The following MYO3B variants were observed in gnomAD, a reference collection of about 807,000 sequenced individuals.
MYO3B encodes myosin IIIB, also known as myosin-IIIb.
In MYO3B, 156 loss-of-function variants were observed where a neutral mutation model predicts 174.6. The observed-to-expected ratio is 0.89, with a 90% CI of 0.78 to 1.02. The LOEUF is 1.02. MYO3B is among the 50% of genes least tolerant of loss of function. The pLI is 0.00. For missense variants in MYO3B, 1,632 were observed against 1,639.4 expected (o/e 1.00, Z 0.08); for synonymous variants, 563 against 569.1 (o/e 0.99, Z 0.15).
intron 32 of MYO3B, among the ~76,000 whole-genome samples, chr2:170,626,836 G>C (rs935390118): frequency 6.6e-6 from 1 of 152,122 alleles, no homozygotes; most frequent in African/African-American, 2.4e-5. Flanking sequence ...TGAAATTCTG[G>C]GTTGAAAATT....
chr2:170,182,507 G>A (rs1001531845), intron 1 of MYO3B, among the ~76,000 whole-genome samples: 4 of 151,594 alleles, frequency 2.6e-5, no homozygotes, highest in Non-Finnish European at 5.9e-5. Flanking sequence ...GTGGCATAAT[G>A]TTTTAATTAC....
chr2:170,247,194 T>C (rs1019008970), intron 7 of MYO3B, among the ~76,000 whole-genome samples: 2 of 152,152 alleles, frequency 1.3e-5, no homozygotes, highest in African/African-American at 4.8e-5. Flanking sequence ...AGAATAAAGA[T>C]ATGGCTTTTA....
chr2:170,502,669 G>T (rs1258811883), intron 28 of MYO3B, among the ~76,000 whole-genome samples: 1 of 152,188 alleles, frequency 6.6e-6, no homozygotes, highest in Non-Finnish European at 1.5e-5. Context: ...GGCTCTGGAA[G>T]AAACAGGCCC....
In MYO3B at chr2:170,514,941, AG is replaced by A; in HGVS notation, c.3392del (p.Ser1131MetfsTer105). The stretch of plus-strand genomic sequence containing the variant: ...CACAGGGGACACTTCAAACCAAAGC[AG>A]TGGGCCACATTCCCCCGTCGCAGCA... ...NQAGDTSNQSSGPHSPVAAGT... is the reference protein window; with the variant it reads ...NQAGDTSNQSXGPHSPVAAGT... On this transcript the variant is annotated frameshift_variant, in exon 29 of 35. Transcript: ENST00000408978. LOFTEE classifies it high-confidence loss of function. 1 of 1,614,038 alleles carries A rather than the reference AG, an allele frequency of 6.2e-7. No homozygotes were observed. Among genetic ancestry groups the A allele is most frequent in the East Asian group, 2.2e-5 (1 of 44,884 alleles).
At chr2:170,213,396 G>A (rs1471030111) in intron 3 of MYO3B, among the ~76,000 whole-genome samples, 4 of 152,144 alleles carry the variant, frequency 2.6e-5, no homozygotes, top group Non-Finnish European at 5.9e-5. Context: ...TGCATGCACC[G>A]GTGGTCAGAG....
At chr2:170,451,152 C>A (rs965961892) in intron 23 of MYO3B, among the ~76,000 whole-genome samples, 1 of 152,218 alleles carries the variant, frequency 6.6e-6, no homozygotes, top group Non-Finnish European at 1.5e-5. Flanking sequence ...CCTTCTATAC[C>A]TTGCAACCTT....
chr2:170,439,325 T>C (rs1185028180), intron 22 of MYO3B, among the ~76,000 whole-genome samples: 1 of 151,962 alleles, frequency 6.6e-6, no homozygotes, highest in East Asian at 1.9e-4. Context: ...TGAGCCAAGA[T>C]TGTGCCACTG....
In MYO3B at chr2:170,322,630, C is replaced by T. The variant is rs998198037; in HGVS notation, c.750-12755C>T. On this transcript the variant is annotated intron_variant, in intron 7 of 34. Coordinates refer to ENST00000408978, the MANE Select transcript of MYO3B (RefSeq NM_138995.5). ...TGTGATTCTATTCTTGCAGTTAGTA[C>T]GATCTCTATAAAGCCTTTGTAGCGC... 1.1e-4 allele frequency among the ~76,000 whole-genome samples: 17 copies of T among 152,168 alleles called. No homozygotes were observed. The East Asian group carries it at 1.3e-3, about 12-fold the overall frequency.
chr2:170,612,362 G>A (rs991318636), intron 32 of MYO3B, among the ~76,000 whole-genome samples: 1 of 152,198 alleles, frequency 6.6e-6, no homozygotes, highest in African/African-American at 2.4e-5. Flanking sequence ...GGACAGCAGG[G>A]CTAGTCATTG....
chr2:170,235,789 C>T (rs372547091), intron 6 of MYO3B, among the ~76,000 whole-genome samples: 1 of 152,158 alleles, frequency 6.6e-6, no homozygotes, highest in African/African-American at 2.4e-5. Context: ...AAAACTGACA[C>T]ATTTGTAAAA....
chr2:170,426,268 G>A (rs750771609), intron 22 of MYO3B, among the ~76,000 whole-genome samples: 58 of 151,460 alleles, frequency 3.8e-4, no homozygotes, highest in Middle Eastern at 3.2e-3. Flanking sequence ...GAGCCCAGGA[G>A]TTCGAGACTG....
At chr2:170,581,648 C>A in intron 32 of MYO3B, among the ~76,000 whole-genome samples, 1 of 151,842 alleles carries the variant, frequency 6.6e-6, no homozygotes. Flanking sequence ...ATGGGATGAA[C>A]TTAATTTTCT....
intron 27 of MYO3B, among the ~76,000 whole-genome samples, chr2:170,500,949 T>C (rs1687229378): frequency 6.6e-6 from 1 of 152,208 alleles, no homozygotes; most frequent in African/African-American, 2.4e-5. Flanking sequence ...AGACAAATGA[T>C]TATGAAAGCA....
chr2:170,441,102 G>C (rs2094797904), intron 22 of MYO3B, among the ~76,000 whole-genome samples: 1 of 152,034 alleles, frequency 6.6e-6, no homozygotes. Flanking sequence ...GTCCAGCCTG[G>C]GTGTTGGTTT....
At chr2:170,627,864 GAATATTGCTGAACAGCA>G (rs1382253185) in intron 32 of MYO3B, among the ~76,000 whole-genome samples, 1 of 151,414 alleles carries the variant, frequency 6.6e-6, no homozygotes, top group Non-Finnish European at 1.5e-5. Context: ...GTAGATCAGC[GAATATTGCTGAACAGCA>G]AATATTGCTG....
intron 23 of MYO3B, among the ~76,000 whole-genome samples, chr2:170,454,145 A>G (rs753637811): frequency 2.6e-5 from 4 of 152,218 alleles, no homozygotes; most frequent in Non-Finnish European, 5.9e-5. Flanking sequence ...TTCCAAGAGT[A>G]TTCCTTCCAA....
At chr2:170,570,849 G>A (rs568273968) in intron 32 of MYO3B, among the ~76,000 whole-genome samples, 26 of 151,996 alleles carry the variant, frequency 1.7e-4, no homozygotes, top group African/African-American at 6.3e-4. Flanking sequence ...CTACAAACTA[G>A]CATTATCCCA....
intron 28 of MYO3B, among the ~76,000 whole-genome samples, chr2:170,503,801 C>T (rs952706505): frequency 6.6e-6 from 1 of 152,140 alleles, no homozygotes; most frequent in African/African-American, 2.4e-5. Flanking sequence ...CACCTCTGCC[C>T]TCTTAGAAGT....
chr2:170,370,827 A>G (rs911234746), intron 9 of MYO3B, among the ~76,000 whole-genome samples: 3 of 151,850 alleles, frequency 2.0e-5, no homozygotes, highest in Non-Finnish European at 4.4e-5. Context: ...CTAAGACTTC[A>G]TTTGCCAAGC....
Sources: gnomAD v4.1 joint callset for allele counts (sites outside exome capture counted in the v4.1 genomes callset) on GRCh38, gnomAD v4.1.1 for gene constraint, MANE v1.5 for transcripts, NCBI Gene and HGNC (gene_info 2026-07-23, HGNC 2026-07-21) for gene names.